The following FOXO3 variants were observed in gnomAD, a reference collection of about 807,000 sequenced individuals.
FOXO3 encodes forkhead box O3.
FOXO3 carries 4 observed loss-of-function variants against 41.9 expected under a neutral mutation model. That is an observed-to-expected ratio of 0.10 (90% CI 0.05 to 0.22). FOXO3 has a LOEUF of 0.22. Ranked by LOEUF, FOXO3 falls within the 10% of genes least tolerant of loss-of-function variation. FOXO3 has a pLI of 1.00. For synonymous variants in FOXO3, 318 were observed against 389.3 expected, an observed-to-expected ratio of 0.82 and a Z score of 2.16; for missense variants, 534 against 906.8, an observed-to-expected ratio of 0.59 and a Z score of 5.28.
At chr6:108,610,804 C>G (rs1329126686) in intron 1 of FOXO3, among the ~76,000 whole-genome samples, 1 of 152,078 alleles carries the variant, frequency 6.6e-6, no homozygotes, top group Non-Finnish European at 1.5e-5. Context: ...ATAAAATTGC[C>G]TCCCTGTTTT....
intron 1 of FOXO3, among the ~76,000 whole-genome samples, chr6:108,565,688 C>T (rs559317249): frequency 1.3e-5 from 2 of 152,294 alleles, no homozygotes; most frequent in South Asian, 4.1e-4. Flanking sequence ...TCCGAGTCTT[C>T]TTTCATGTAA....
chr6:108,563,019 A>G (rs898696378), intron 1 of FOXO3, among the ~76,000 whole-genome samples: 4 of 152,076 alleles, frequency 2.6e-5, no homozygotes, highest in Admixed American at 6.6e-5. Context: ...TGTTTTATGT[A>G]AAAGAAGTAG....
At chr6:108,672,786 CCCTCTTCTTTT>C (rs1300702751) in intron 2 of FOXO3, among the ~76,000 whole-genome samples, 3 of 152,132 alleles carry the variant, frequency 2.0e-5, no homozygotes, top group Non-Finnish European at 4.4e-5. Context: ...CGTCTCCCTT[CCCTCTTCTTTT>C]CCTGCTTTGT....
chr6:108,573,735 A>C (rs1776176921), intron 1 of FOXO3, among the ~76,000 whole-genome samples: 1 of 152,024 alleles, frequency 6.6e-6, no homozygotes, highest in Non-Finnish European at 1.5e-5. Context: ...AGGCTGAAGC[A>C]GGAGAATTGC....
intron 1 of FOXO3, among the ~76,000 whole-genome samples, chr6:108,651,985 C>T (rs182229065): frequency 5.1e-4 from 78 of 152,308 alleles, no homozygotes; most frequent in African/African-American, 1.9e-3. Flanking sequence ...GTCCCTGTTT[C>T]AGATTAAGCC....
rs767626656 is a variant in FOXO3 at position 108,561,621 on chromosome 6, C to G, written c.413C>G (p.Pro138Arg). 6.5e-7 allele frequency: 1 copy of G among 1,546,620 alleles called. No homozygotes were observed. Among genetic ancestry groups the G allele is most frequent in the Non-Finnish European group, 8.7e-7 (1 of 1,147,768 alleles). The stretch of plus-strand genomic sequence containing the variant: ...CAGCAACCGCTGCCACCGCCGCAGC[C>G]GGGGGCGGCTGGGGGCTCCGGGCAG... ...QPQQPLPPPQ[P>R]GAAGGSGQPR... The change falls in exon 1 of 3, where the codon CCG becomes CGG. Residue 138 changes from proline (P) to arginine (R), a missense_variant. By Grantham distance (103) the Pro-to-Arg change is moderately radical. Around this residue, in one of 8 missense-constraint regions of FOXO3, gnomAD observed 139 missense variants for 163.7 expected, o/e 0.85. Coordinates refer to ENST00000406360, the MANE Select transcript of FOXO3 (RefSeq NM_001455.4).
At chr6:108,674,081 C>G (rs1309908134) in intron 2 of FOXO3, among the ~76,000 whole-genome samples, 1 of 152,170 alleles carries the variant, frequency 6.6e-6, no homozygotes. Flanking sequence ...TTGATTTCAT[C>G]TGTAAGAAAT....
At chr6:108,581,604 C>T (rs1299577094) in intron 1 of FOXO3, among the ~76,000 whole-genome samples, 1 of 152,042 alleles carries the variant, frequency 6.6e-6, no homozygotes, top group Non-Finnish European at 1.5e-5. Context: ...TGAACCACTG[C>T]AGTTCTTTCT....
intron 1 of FOXO3, among the ~76,000 whole-genome samples, chr6:108,624,666 A>C (rs1363674354): frequency 6.6e-6 from 1 of 152,158 alleles, no homozygotes; most frequent in Non-Finnish European, 1.5e-5. Flanking sequence ...GATATATTTT[A>C]TATTTCTTAA....
intron 1 of FOXO3, among the ~76,000 whole-genome samples, chr6:108,609,056 T>A (rs527888682): frequency 1.3e-5 from 2 of 152,338 alleles, no homozygotes; most frequent in Non-Finnish European, 2.9e-5. Context: ...GGTTTCGCCT[T>A]AATCCAAATG....
chr6:108,656,624 T>C, intron 1 of FOXO3: 1 of 416,556 alleles, frequency 2.4e-6, no homozygotes, highest in Non-Finnish European at 3.2e-6. Flanking sequence ...CTTCACTGAG[T>C]AGTTTGCATG....
At chr6:108,583,510 C>T (rs560077889) in intron 1 of FOXO3, among the ~76,000 whole-genome samples, 1 of 152,300 alleles carries the variant, frequency 6.6e-6, no homozygotes, top group East Asian at 1.9e-4. Context: ...CTTTAATGGG[C>T]AGCAGTTGGC....
At chr6:108,638,743 G>A (rs956746545) in intron 1 of FOXO3, among the ~76,000 whole-genome samples, 40 of 152,120 alleles carry the variant, frequency 2.6e-4, no homozygotes, top group Admixed American at 1.3e-4. Flanking sequence ...TTTTCTGTTC[G>A]TATTGTGTAG....
chr6:108,632,583 G>GA (rs1223778493), intron 1 of FOXO3, among the ~76,000 whole-genome samples: 1 of 152,134 alleles, frequency 6.6e-6, no homozygotes, highest in African/African-American at 2.4e-5. Flanking sequence ...GGGACCTGCG[G>GA]AAATCCCTCC....
At chr6:108,617,995 C>G (rs1777563130) in intron 1 of FOXO3, 3 of 607,590 alleles carry the variant, frequency 4.9e-6, no homozygotes, top group Admixed American at 4.4e-5. Context: ...AAGCAGGTTC[C>G]CTTCTCAGTA....
intron 1 of FOXO3, among the ~76,000 whole-genome samples, chr6:108,656,084 C>T (rs1223970129): frequency 6.6e-6 from 1 of 151,350 alleles, no homozygotes; most frequent in African/African-American, 2.4e-5. Flanking sequence ...TTAACCATAA[C>T]TCATTTTGCT....
At chr6:108,582,003 G>A (rs1776434138) in intron 1 of FOXO3, among the ~76,000 whole-genome samples, 2 of 152,092 alleles carry the variant, frequency 1.3e-5, no homozygotes, top group South Asian at 4.2e-4. Context: ...CTTTCTTAAT[G>A]TTTAAAAATA....
intron 1 of FOXO3, among the ~76,000 whole-genome samples, chr6:108,605,271 A>G (rs1177566167): frequency 6.6e-6 from 1 of 151,974 alleles, no homozygotes; most frequent in African/African-American, 2.4e-5. Flanking sequence ...GACGCCCACC[A>G]CCACACCTGG....
chr6:108,667,861 A>C (rs1398010062), intron 2 of FOXO3, among the ~76,000 whole-genome samples: 2 of 152,210 alleles, frequency 1.3e-5, no homozygotes, highest in African/African-American at 4.8e-5. Flanking sequence ...AGAACCATCC[A>C]AAGGACAGTG....
Sources: allele counts gnomAD v4.1 joint callset (sites outside exome capture counted in the v4.1 genomes callset), GRCh38; gene constraint gnomAD v4.1.1; regional missense constraint gnomAD v4.1.1; transcripts MANE v1.5; gene names NCBI Gene and HGNC (gene_info 2026-07-23, HGNC 2026-07-21).